The following CEP192 variants were observed in gnomAD, a reference collection of about 807,000 sequenced individuals.
The protein encoded by CEP192 is centrosomal protein 192.
CEP192 carries 151 observed loss-of-function variants against 271.8 expected under a neutral mutation model. The observed-to-expected ratio is 0.56, with a 90% confidence interval of 0.49 to 0.64. CEP192 has a LOEUF of 0.64. Ranked by LOEUF, CEP192 falls within the 30% of genes least tolerant of loss-of-function variation. CEP192 has a pLI of 0.00. For synonymous variants in CEP192, 995 were observed against 1,076.5 expected (o/e 0.92, Z 1.48); for missense variants, 2,910 against 3,020.5 (o/e 0.96, Z 0.86).
chr18:13,032,337 C>T (rs900744062), intron 11 of CEP192, among the ~76,000 whole-genome samples: 1 of 151,900 alleles, frequency 6.6e-6, no homozygotes, highest in Non-Finnish European at 1.5e-5. Context: ...TTACCTGAGG[C>T]GGGGAGTCAG....
intron 21 of CEP192, among the ~76,000 whole-genome samples, chr18:13,062,166 C>CA (rs1288992397): frequency 6.6e-6 from 1 of 152,148 alleles, no homozygotes; most frequent in Non-Finnish European, 1.5e-5. Flanking sequence ...GTCCAACAAA[C>CA]AGACAAGTTT....
intron 15 of CEP192, among the ~76,000 whole-genome samples, chr18:13,047,804 A>C (rs1374948132): frequency 1.3e-5 from 2 of 152,224 alleles, no homozygotes; most frequent in African/African-American, 4.8e-5. Flanking sequence ...TAATTCTAAC[A>C]GTTGAATGAA....
intron 30 of CEP192, among the ~76,000 whole-genome samples, chr18:13,080,910 C>T (rs764888510): frequency 3.3e-5 from 5 of 152,242 alleles, no homozygotes; most frequent in Middle Eastern, 3.4e-3. Flanking sequence ...TGATTTTTGT[C>T]GTTGGTTCTG....
intron 5 of CEP192, 84 bp from the exon 6 acceptor site, chr18:13,015,244 A>G (rs978022567): frequency 7.1e-5 from 90 of 1,263,398 alleles, no homozygotes; most frequent in Non-Finnish European, 9.6e-5. Flanking sequence ...GGTTGAGAAC[A>G]TATTTGGTCC....
At chr18:13,063,203 C>G (rs541941343) in intron 21 of CEP192, among the ~76,000 whole-genome samples, 1 of 152,284 alleles carries the variant, frequency 6.6e-6, no homozygotes, top group Admixed American at 6.5e-5. Flanking sequence ...CTTTAATATA[C>G]TGATTTCCTT....
In CEP192 at chr18:13,096,216, G is replaced by T; in HGVS notation, c.6466G>T (p.Val2156Leu). 2 of 1,614,124 alleles carry T rather than the reference G, an allele frequency of 1.2e-6. No homozygotes were observed. Among genetic ancestry groups the T allele is most frequent in the Non-Finnish European group, 1.7e-6 (2 of 1,179,966 alleles). Residue 2156 changes from valine to leucine, a missense_variant, in exon 36 of 45, where the codon GTG becomes TTG. Transcript: ENST00000506447. Reference protein sequence around the residue: ...DMAKTGRFQIVNNSVRLLRFE... With the variant: ...DMAKTGRFQILNNSVRLLRFE... ...GGCAAAAACTGGACGTTTCCAGATTGTGAATAACTCTGTGAGGTTACTGAG... is the reference window on the plus strand; with the variant it reads ...GGCAAAAACTGGACGTTTCCAGATTTTGAATAACTCTGTGAGGTTACTGAG...
intron 30 of CEP192, among the ~76,000 whole-genome samples, chr18:13,075,490 C>T (rs560554735): frequency 2.6e-5 from 4 of 152,118 alleles, no homozygotes; most frequent in South Asian, 2.1e-4. Flanking sequence ...CGCTTGAACC[C>T]GGGAGGCGGA....
rs1568323743 is a variant in CEP192, at chr18:13,042,246, C to G, written c.1979C>G (p.Ser660Ter). ...EQSQAQLSEGSITLQVEAVES... is the reference protein window; with the variant it reads ...EQSQAQLSEG Reference sequence around the variant, plus strand: ...TCCCAGGCACAGCTAAGTGAAGGATCAATTACACTTCAGGTTGAAGCAGTA... The same window carrying G: ...TCCCAGGCACAGCTAAGTGAAGGATGAATTACACTTCAGGTTGAAGCAGTA... Residue 660 changes from serine to a stop codon, truncating the protein, a stop_gained, in exon 15 of 45, where the codon TCA becomes TGA. Transcript: ENST00000506447. LOFTEE classifies it high-confidence loss of function. 1 of 1,612,106 alleles carries G rather than the reference C, an allele frequency of 6.2e-7. No homozygotes were observed. Among genetic ancestry groups the G allele is most frequent in the Non-Finnish European group, 8.5e-7 (1 of 1,178,184 alleles).
intron 30 of CEP192, among the ~76,000 whole-genome samples, chr18:13,077,149 T>C (rs1425685661): frequency 1.3e-5 from 2 of 152,206 alleles, no homozygotes; most frequent in African/African-American, 4.8e-5. Context: ...GAAACTACTT[T>C]TTCAAAATGT....
At chr18:12,991,709 A>G (rs1260168213) in intron 1 of CEP192, among the ~76,000 whole-genome samples, 3 of 152,202 alleles carry the variant, frequency 2.0e-5, no homozygotes, top group African/African-American at 4.8e-5. Flanking sequence ...GATGAGACAG[A>G]CTGTTAGGGG....
At position 13,070,274 on chromosome 18, in the gene CEP192, G is replaced by T. The variant is rs908415711; in HGVS notation, c.5174+418G>T. Among the ~76,000 whole-genome samples, 5 of 152,046 alleles carry T rather than the reference G, an allele frequency of 3.3e-5. No homozygotes were observed. The East Asian group carries it at 5.8e-4, about 18-fold the overall frequency. ...TCCGTATATTTCTTACCTAATACAT[G>T]GTGTGACTCTGTTTAATCTCCTTTC... is the stretch of plus-strand genomic sequence containing the variant. On this transcript the variant is annotated intron_variant, in intron 27 of 44. Coordinates refer to ENST00000506447, the MANE Select transcript of CEP192 (RefSeq NM_032142.4).
intron 30 of CEP192, among the ~76,000 whole-genome samples, chr18:13,082,432 C>CTTTTTTT (rs57663388): frequency 1.0e-4 from 5 of 49,940 alleles, no homozygotes; most frequent in African/African-American, 2.9e-4. Context: ...GCAACCCCTG[C>CTTTTTTT]TTTTTTTTTT....
At chr18:13,104,869 T>G (rs1045075854) in intron 39 of CEP192, 115 bp from the exon 40 acceptor site, 1 of 778,452 alleles carries the variant, frequency 1.3e-6, no homozygotes, top group East Asian at 2.5e-5. Flanking sequence ...GTGTTCTTTT[T>G]GTCCACTGCT....
At chr18:13,093,233 A>G (rs1339856112) in intron 34 of CEP192, among the ~76,000 whole-genome samples, 2 of 152,172 alleles carry the variant, frequency 1.3e-5, no homozygotes, top group Admixed American at 6.5e-5. Flanking sequence ...TTTAATAGCA[A>G]TACACTACAA....
chr18:12,995,053 ATTTTTTTTTTT>A (rs139962686), intron 1 of CEP192, among the ~76,000 whole-genome samples: 2 of 88,244 alleles, frequency 2.3e-5, no homozygotes, highest in African/African-American at 5.6e-5. Flanking sequence ...CATGGGAGGA[ATTTTTTTTTTT>A]TTTTTTTTTT....
intron 9 of CEP192, 46 bp from the exon 10 acceptor site, chr18:13,029,615 CAA>C: frequency 8.7e-7 from 1 of 1,146,936 alleles, no homozygotes; most frequent in Non-Finnish European, 1.2e-6. Context: ...TTATAAAAAA[CAA>C]GACTTACTGT....
chr18:13,020,344 G>A (rs1254140919), intron 9 of CEP192, among the ~76,000 whole-genome samples: 1 of 152,140 alleles, frequency 6.6e-6, no homozygotes, highest in Non-Finnish European at 1.5e-5. Context: ...TTGGCCTTCT[G>A]TGTCTGGCTT....
intron 11 of CEP192, among the ~76,000 whole-genome samples, chr18:13,036,556 G>A (rs180856988): frequency 8.5e-5 from 13 of 152,354 alleles, no homozygotes; most frequent in Non-Finnish European, 1.8e-4. Flanking sequence ...AAAGTTCTTG[G>A]CGATTCTGAT....
At chr18:12,995,053 A>G (rs1452250413) in intron 1 of CEP192, among the ~76,000 whole-genome samples, 2 of 88,244 alleles carry the variant, frequency 2.3e-5, no homozygotes. Flanking sequence ...CATGGGAGGA[A>G]TTTTTTTTTT....
Sources: allele counts gnomAD v4.1 joint callset (sites outside exome capture counted in the v4.1 genomes callset), GRCh38; gene constraint gnomAD v4.1.1; transcripts MANE v1.5; gene names NCBI Gene and HGNC (gene_info 2026-07-23, HGNC 2026-07-21).